Variants in CSMD1 observed in about 807,000 individuals in gnomAD.
The protein encoded by CSMD1 is CUB and Sushi multiple domains 1.
A neutral mutation model predicts 417.5 loss-of-function variants in CSMD1; 213 were observed. The ratio of observed to expected loss-of-function variants is 0.51; its 90% CI spans 0.46 to 0.57. The LOEUF (loss-of-function observed/expected upper bound fraction) is 0.57, where lower values mean the gene tolerates loss of function less well. Among genes scored for constraint, CSMD1 ranks in the 20% least tolerant of loss-of-function variants. The pLI, the probability that CSMD1 is intolerant of heterozygous loss-of-function variation, is 0.00. For synonymous variants in CSMD1, 2,862 were observed against 1,736.8 expected, an observed-to-expected ratio of 1.65 and a Z score of -16.11; for missense variants, 6,923 against 4,529.7, an observed-to-expected ratio of 1.53 and a Z score of -15.17.
chr8:4,664,961 G>T (rs958753857), intron 1 of CSMD1, among the ~76,000 whole-genome samples: 3 of 152,128 alleles, frequency 2.0e-5, no homozygotes, highest in Non-Finnish European at 4.4e-5. Context: ...TTGAAAAATT[G>T]TAGCATCTGA....
At chr8:3,309,052 C>A (rs1009135730) in intron 23 of CSMD1, among the ~76,000 whole-genome samples, 2 of 152,068 alleles carry the variant, frequency 1.3e-5, no homozygotes, top group Non-Finnish European at 2.9e-5. Flanking sequence ...CGGAGTTCCA[C>A]AACTTCATCT....
intron 1 of CSMD1, among the ~76,000 whole-genome samples, chr8:4,975,282 T>C (rs1035057363): frequency 1.3e-5 from 2 of 152,210 alleles, no homozygotes; most frequent in South Asian, 4.1e-4. Context: ...AAAGAGAATA[T>C]CTGCTGTATA....
chr8:4,799,731 A>T (rs1341264277), intron 1 of CSMD1, among the ~76,000 whole-genome samples: 5 of 151,962 alleles, frequency 3.3e-5, no homozygotes, highest in African/African-American at 1.2e-4. Flanking sequence ...AATTGGCATT[A>T]CATGTCAAAA....
intron 49 of CSMD1, among the ~76,000 whole-genome samples, chr8:3,086,123 A>G (rs963024405): frequency 2.0e-5 from 3 of 152,156 alleles, no homozygotes; most frequent in Non-Finnish European, 2.9e-5. Flanking sequence ...TGTTCTATAA[A>G]CAGAGTCATA....
intron 1 of CSMD1, among the ~76,000 whole-genome samples, chr8:4,795,803 A>C (rs1350620064): frequency 1.3e-5 from 2 of 152,082 alleles, no homozygotes; most frequent in African/African-American, 2.4e-5. Flanking sequence ...TTCATAAATC[A>C]CACTAAGTAC....
chr8:3,087,179 T>C lies in CSMD1; in HGVS notation c.7392A>G (p.Arg2464=). 6.2e-7 allele frequency: 1 copy of C among 1,613,980 alleles called. No individual in the cohort carries two copies. Among genetic ancestry groups the C allele is most frequent in the Non-Finnish European group, 8.5e-7 (1 of 1,179,902 alleles). The part of the protein sequence containing the change: ...KVHYFCKPGY[R]MVGHSNATCR... ...AGGTTGCATTGCTGTGGCCGACCAT[T>C]CGGTATCCAGGCTTGCAAAAATAAT... Residue 2464 remains arginine (R), a synonymous_variant, in exon 49 of 70, where the codon CGA becomes CGG. Coordinates refer to ENST00000635120, the MANE Select transcript of CSMD1 (RefSeq NM_033225.6).
At chr8:4,608,842 T>C (rs1404848490) in intron 2 of CSMD1, among the ~76,000 whole-genome samples, 1 of 152,184 alleles carries the variant, frequency 6.6e-6, no homozygotes, top group Admixed American at 6.5e-5. Context: ...AAGAAGAGAT[T>C]GCTTTCTATA....
chr8:4,787,514 T>C (rs1797468083), intron 1 of CSMD1: 4 of 1,050,974 alleles, frequency 3.8e-6, no homozygotes, highest in South Asian at 1.3e-5. Context: ...TTTTCAGTTA[T>C]TATAGGAAGC....
intron 3 of CSMD1, among the ~76,000 whole-genome samples, chr8:4,100,151 T>TA (rs894023965): frequency 7.9e-5 from 12 of 152,190 alleles, no homozygotes; most frequent in Non-Finnish European, 1.8e-4. Context: ...CCTTGGTTTT[T>TA]ATGTGAGTAA....
At chr8:4,133,582 A>AT (rs1563166807) in intron 3 of CSMD1, among the ~76,000 whole-genome samples, 1 of 152,194 alleles carries the variant, frequency 6.6e-6, no homozygotes, top group Non-Finnish European at 1.5e-5. Flanking sequence ...ATTAACGCCG[A>AT]TATGTGTAAT....
At chr8:3,583,255 CAG>C (rs1405597053) in intron 9 of CSMD1, among the ~76,000 whole-genome samples, 1 of 151,954 alleles carries the variant, frequency 6.6e-6, no homozygotes, top group Non-Finnish European at 1.5e-5. Context: ...TTTTTACTCA[CAG>C]AGTCAACTGC....
chr8:4,443,995 G>A (rs140704349), intron 2 of CSMD1, among the ~76,000 whole-genome samples: 1 of 152,250 alleles, frequency 6.6e-6, no homozygotes, highest in East Asian at 1.9e-4. Context: ...TACAAACGGA[G>A]TAAGAATGGT....
At chr8:4,775,703 T>A (rs1336347214) in intron 1 of CSMD1, among the ~76,000 whole-genome samples, 1 of 152,196 alleles carries the variant, frequency 6.6e-6, no homozygotes, top group African/African-American at 2.4e-5. Context: ...GCAGCGTCTG[T>A]CATGGCCCAC....
rs747706207 is a variant in CSMD1, at chr8:4,979,214, A to AT, written c.85+15117dup. ...CACATCTCATAGAACTGAGAGTCTA[A>AT]TTTTTTTTTAGTTGCAGTAATAAAA... On this transcript the variant is annotated intron_variant, in intron 1 of 69. Transcript: ENST00000635120. Among the ~76,000 whole-genome samples, 598 of 151,640 alleles carry AT rather than the reference A, an allele frequency of 3.9e-3. 1 individual carries two copies. Among genetic ancestry groups the AT allele is most frequent in the Non-Finnish European group, 5.5e-3 (374 of 67,856 alleles).
intron 12 of CSMD1, among the ~76,000 whole-genome samples, chr8:3,448,965 A>C (rs1294510286): frequency 1.3e-5 from 2 of 152,230 alleles, no homozygotes; most frequent in Non-Finnish European, 2.9e-5. Flanking sequence ...GTGACAGCCA[A>C]TCGCAATGGA....
intron 3 of CSMD1, among the ~76,000 whole-genome samples, chr8:4,194,724 C>T (rs924845157): frequency 6.6e-6 from 1 of 151,992 alleles, no homozygotes; most frequent in South Asian, 2.1e-4. Context: ...TCAAATTATG[C>T]TTAACAGATT....
At chr8:4,364,121 G>C (rs540279542) in intron 3 of CSMD1, among the ~76,000 whole-genome samples, 3 of 152,116 alleles carry the variant, frequency 2.0e-5, no homozygotes, top group Non-Finnish European at 2.9e-5. Flanking sequence ...TCTTTATTAT[G>C]CATTGCATGC....
chr8:2,999,354 C>A (rs1424302935), intron 53 of CSMD1, among the ~76,000 whole-genome samples: 1 of 151,984 alleles, frequency 6.6e-6, no homozygotes, highest in Non-Finnish European at 1.5e-5. Context: ...TGGGGTTTTG[C>A]CATCGGCCAG....
chr8:4,093,763 C>T (rs529435159), intron 3 of CSMD1, among the ~76,000 whole-genome samples: 1 of 152,204 alleles, frequency 6.6e-6, no homozygotes, highest in East Asian at 1.9e-4. Context: ...GAGTTCAAGA[C>T]CAGCTTGGCC....
Sources: gnomAD v4.1 joint callset for allele counts (sites outside exome capture counted in the v4.1 genomes callset) on GRCh38, gnomAD v4.1.1 for gene constraint, MANE v1.5 for transcripts, NCBI Gene and HGNC (gene_info 2026-07-23, HGNC 2026-07-21) for gene names.